ATP10B: variants seen among roughly 807,000 people sequenced by gnomAD.
ATP10B encodes ATPase phospholipid transporting 10B (putative), also known as phospholipid-transporting ATPase VB.
A neutral mutation model predicts 141.2 loss-of-function variants in ATP10B; 122 were observed. The ratio of observed to expected loss-of-function variants is 0.86; its 90% CI spans 0.75 to 1.00. The LOEUF (loss-of-function observed/expected upper bound fraction) is 1.00, where lower values mean the gene tolerates loss of function less well. Ranked by LOEUF, ATP10B falls within the 50% of genes least tolerant of loss-of-function variation. ATP10B has a pLI of 0.00. For synonymous variants in ATP10B, 685 were observed against 692.0 expected (o/e 0.99, Z 0.16); for missense variants, 1,876 against 1,825.3 (o/e 1.03, Z -0.51).
At chr5:160,802,078 T>C (rs961694702) in intron 1 of ATP10B, among the ~76,000 whole-genome samples, 3 of 152,196 alleles carry the variant, frequency 2.0e-5, no homozygotes, top group Non-Finnish European at 4.4e-5. Context: ...GGTTGAGACG[T>C]TGAAGGGATT....
At chr5:160,601,195 A>G (rs1237961253) in intron 21 of ATP10B, among the ~76,000 whole-genome samples, 1 of 152,178 alleles carries the variant, frequency 6.6e-6, no homozygotes, top group Non-Finnish European at 1.5e-5. Context: ...AATTTACATT[A>G]CTTTTTGTCA....
At chr5:160,679,057 C>T (rs1165381845) in intron 6 of ATP10B, among the ~76,000 whole-genome samples, 1 of 152,160 alleles carries the variant, frequency 6.6e-6, no homozygotes, top group Admixed American at 6.5e-5. Context: ...CACATGGGGC[C>T]CCAACTGCTT....
intron 1 of ATP10B, among the ~76,000 whole-genome samples, chr5:160,799,553 A>C (rs1472631397): frequency 6.6e-6 from 1 of 151,784 alleles, no homozygotes; most frequent in Non-Finnish European, 1.5e-5. Flanking sequence ...AAAAGTGCTT[A>C]TTTGAGGGCG....
the ATP10B span, among the ~76,000 whole-genome samples, chr5:160,904,635 A>T: frequency 1.3e-5 from 2 of 152,224 alleles, no homozygotes. Context: ...AGAGTGAAGG[A>T]AAGGGATGAG....
chr5:160,567,913 T>G (rs892911339), intron 25 of ATP10B, among the ~76,000 whole-genome samples: 3 of 152,098 alleles, frequency 2.0e-5, no homozygotes, highest in African/African-American at 7.2e-5. Context: ...CTATTGGTAG[T>G]AGTGGCTGTA....
rs1460870270 is a variant in ATP10B, at chr5:160,694,208, AG to A, written c.-204-5266del. Among the ~76,000 whole-genome samples, 11 of 152,290 alleles carry A rather than the reference AG, an allele frequency of 7.2e-5. No homozygotes were observed. In the East Asian group the frequency reaches 1.5e-3, roughly 21 times the overall value. ...TCCAAATAAAATACTTCTTCCTGAG[AG>A]TGGAACAGGAAACAAAGAGGGATTG... On this transcript the variant is annotated intron_variant, in intron 3 of 25. Coordinates refer to ENST00000327245, the MANE Select transcript of ATP10B (RefSeq NM_025153.3).
intron 2 of ATP10B, among the ~76,000 whole-genome samples, chr5:160,733,682 TACAC>T (rs1554109371): frequency 1.4e-4 from 1 of 6,910 alleles, no homozygotes; most frequent in African/African-American, 8.7e-4. Context: ...TATATATATA[TACAC>T]ACACACATAT....
At chr5:160,849,743 G>GT (rs945262607) in intron 1 of ATP10B, among the ~76,000 whole-genome samples, 11 of 151,536 alleles carry the variant, frequency 7.3e-5, no homozygotes, top group Non-Finnish European at 1.0e-4. Context: ...TCCAAAGCCC[G>GT]TTTTTTTTCT....
Position 160,833,756 on chromosome 5 carries a change from C to A in ATP10B, c.-576+18185G>T, listed in dbSNP as rs189112984. 6.0e-3 allele frequency among the ~76,000 whole-genome samples: 916 copies of A among 152,128 alleles called. 13 individuals carry two copies. The highest frequency in any genetic ancestry group is 0.021 in the African/African-American group (872 of 41,510). On this transcript the variant is annotated intron_variant, in intron 1 of 25. Transcript: ENST00000327245. Reference sequence around the variant, plus strand: ...AAATGAAACCTTATAAGACAGAACCCTATTTTTACTTTGTGTGATGTTTTT... The same window carrying A: ...AAATGAAACCTTATAAGACAGAACCATATTTTTACTTTGTGTGATGTTTTT...
the ATP10B span, among the ~76,000 whole-genome samples, chr5:160,872,712 C>T: frequency 1.3e-5 from 2 of 152,126 alleles, no homozygotes; most frequent in African/African-American, 2.4e-5. Flanking sequence ...TCAGCGTTCT[C>T]TATTCTTTTC....
the ATP10B span, among the ~76,000 whole-genome samples, chr5:160,885,672 A>G: frequency 6.6e-6 from 1 of 152,248 alleles, no homozygotes; most frequent in East Asian, 1.9e-4. Flanking sequence ...CAAGACGGGC[A>G]TCAGCATGAC....
intron 18 of ATP10B, among the ~76,000 whole-genome samples, chr5:160,607,992 A>G (rs1047583681): frequency 2.0e-5 from 3 of 152,222 alleles, no homozygotes; most frequent in Non-Finnish European, 4.4e-5. Context: ...GGTTTGTTAC[A>G]TATGTATACG....
chr5:160,869,312 C>A, the ATP10B span, among the ~76,000 whole-genome samples: 1 of 151,938 alleles, frequency 6.6e-6, no homozygotes, highest in African/African-American at 2.4e-5. Flanking sequence ...CTGGATGATG[C>A]AATTCATCTC....
chr5:160,698,534 A>C (rs1052061294), intron 3 of ATP10B, among the ~76,000 whole-genome samples: 11 of 152,222 alleles, frequency 7.2e-5, no homozygotes, highest in African/African-American at 2.7e-4. Context: ...CTTTGATGAC[A>C]GAAGAGATCT....
At chr5:160,626,485 C>T (rs1581221199) in intron 13 of ATP10B, among the ~76,000 whole-genome samples, 1 of 152,320 alleles carries the variant, frequency 6.6e-6, no homozygotes, top group East Asian at 1.9e-4. Flanking sequence ...ACAAGCGAGG[C>T]TCATTGAAGT....
chr5:160,637,129 T>TATTC (rs146827867), intron 10 of ATP10B, among the ~76,000 whole-genome samples: 4 of 146,554 alleles, frequency 2.7e-5, no homozygotes, highest in Non-Finnish European at 6.0e-5. Context: ...TCTATCCATC[T>TATTC]ATCCATCCAT....
Position 160,670,618 on chromosome 5 carries a change from C to G in ATP10B, c.520G>C (p.Asp174His). ...TCATTGCATTTCATTTGGATGAAGTCTCCCACGCGCACATCCTTCCAGCAC... is the reference window on the plus strand; with the variant it reads ...TCATTGCATTTCATTTGGATGAAGTGTCCCACGCGCACATCCTTCCAGCAC... Reference protein sequence around the residue: ...QKCWKDVRVGDFIQMKCNEIV... With the variant: ...QKCWKDVRVGHFIQMKCNEIV... Residue 174 changes from aspartate to histidine, a missense_variant, in exon 7 of 26, where the codon GAC (aspartate) becomes CAC (histidine). Asp to His is a moderately conservative substitution (Grantham distance 81). Transcript: ENST00000327245. The G allele has an allele frequency of 1.2e-6, 2 of 1,613,860 alleles. No individual in the cohort carries two copies. Among genetic ancestry groups the G allele is most frequent in the Non-Finnish European group, 1.7e-6 (2 of 1,179,846 alleles).
chr5:160,683,040 C>CCCAAAAAAA (rs765095450), intron 6 of ATP10B, among the ~76,000 whole-genome samples: 1 of 66,976 alleles, frequency 1.5e-5, no homozygotes, highest in Non-Finnish European at 2.8e-5. Context: ...CTCTGTCCCC[C>CCCAAAAAAA]AAAAAAAAAA....
chr5:160,748,962 G>A (rs1450331674), intron 2 of ATP10B, among the ~76,000 whole-genome samples: 1 of 152,210 alleles, frequency 6.6e-6, no homozygotes, highest in Non-Finnish European at 1.5e-5. Context: ...TCATAGTAAT[G>A]TTTGGGAGGA....
Sources: allele counts gnomAD v4.1 joint callset (sites outside exome capture counted in the v4.1 genomes callset), GRCh38; gene constraint gnomAD v4.1.1; transcripts MANE v1.5; gene names NCBI Gene and HGNC (gene_info 2026-07-23, HGNC 2026-07-21).